ABCD2: variants seen among roughly 807,000 people sequenced by gnomAD.
ABCD2 encodes ATP-binding cassette sub-family D member 2.
Under a neutral mutation model 70.9 loss-of-function variants are expected in ABCD2, and 36 were observed. The ratio of observed to expected loss-of-function variants is 0.51; its 90% CI spans 0.39 to 0.67. The LOEUF is 0.67. Among genes scored for constraint, ABCD2 ranks in the 30% least tolerant of loss-of-function variants. The pLI is 0.00. For missense variants in ABCD2, 729 were observed against 890.2 expected (o/e 0.82, Z 2.30); for synonymous variants, 304 against 306.9 (o/e 0.99, Z 0.10).
At chr12:39,560,423 G>T (rs1591966550) in intron 9 of ABCD2, among the ~76,000 whole-genome samples, 1 of 152,024 alleles carries the variant, frequency 6.6e-6, no homozygotes, top group African/African-American at 2.4e-5. Context: ...ATGGACATTT[G>T]GGTTGGTTCC....
At chr12:39,616,689 A>G (rs2120790628) in intron 2 of ABCD2, among the ~76,000 whole-genome samples, 1 of 152,262 alleles carries the variant, frequency 6.6e-6, no homozygotes, top group East Asian at 1.9e-4. Context: ...GGTTAAGTGT[A>G]AACTAAAGAA....
At chr12:39,545,054 G>C (rs1172465605), downstream of ABCD2, among the ~76,000 whole-genome samples, 1 of 152,106 alleles carries the variant, frequency 6.6e-6, no homozygotes, top group Non-Finnish European at 1.5e-5. Flanking sequence ...GCTAACAACA[G>C]TGTACTATAG....
intron 6 of ABCD2, among the ~76,000 whole-genome samples, chr12:39,592,794 C>G (rs1157204017): frequency 6.6e-6 from 1 of 152,202 alleles, no homozygotes. Flanking sequence ...TAAACACACT[C>G]CTTGTCCTCA....
intron 9 of ABCD2, among the ~76,000 whole-genome samples, chr12:39,567,882 T>C (rs1416573120): frequency 7.9e-5 from 12 of 152,194 alleles, no homozygotes; most frequent in African/African-American, 2.4e-4. Context: ...CCTTCACTTA[T>C]GAAGCTTAGT....
At position 39,591,229 on chromosome 12, in the gene ABCD2, A is replaced by T. The variant is rs573611497; in HGVS notation, c.1647-4932T>A. On this transcript the variant is annotated intron_variant, in intron 6 of 9. Coordinates refer to ENST00000308666, the MANE Select transcript of ABCD2 (RefSeq NM_005164.4). Reference sequence around the variant, plus strand: ...CATTGCATCAGGGTTTTTCATGCATAGAAAGAACTAGATTTGAGTCATTTA... The same window carrying T: ...CATTGCATCAGGGTTTTTCATGCATTGAAAGAACTAGATTTGAGTCATTTA... Among the ~76,000 whole-genome samples the T allele has an allele frequency of 4.7e-4, 71 of 152,324 alleles. 1 individual carries two copies. Among genetic ancestry groups the T allele is most frequent in the Admixed American group, 7.8e-4 (12 of 15,302 alleles).
At position 39,550,889 on chromosome 12, in the gene ABCD2, T is replaced by C. The variant is rs1941078665; in HGVS notation, c.*3023A>G. The C allele has an allele frequency of 6.6e-6, 1 of 151,736 alleles. No homozygotes were observed. The highest frequency in any genetic ancestry group is 2.4e-5 in the African/African-American group (1 of 41,442). The allele number at this position is 151,736 out of a possible 1,614,324, so 9.4% of individuals were successfully genotyped here. On this transcript the variant is annotated 3_prime_UTR_variant, in exon 10 of 10. Transcript: ENST00000308666. ...TCCTAGACTCATTGAATCAAAAAGCTATTCCAAACATATTAGAATAAGATG... is the reference window on the plus strand; with the variant it reads ...TCCTAGACTCATTGAATCAAAAAGCCATTCCAAACATATTAGAATAAGATG...
intron 6 of ABCD2, 92 bp downstream of exon 6, chr12:39,600,478 TC>T: frequency 1.7e-6 from 2 of 1,197,988 alleles, no homozygotes; most frequent in Non-Finnish European, 2.3e-6. Flanking sequence ...ATAAAAACAT[TC>T]TTAAAGATAT....
chr12:39,539,833 C>T, the ABCD2 span: 2 of 154,752 alleles, frequency 1.3e-5, no homozygotes, highest in Non-Finnish European at 2.9e-5. Flanking sequence ...AGCAGCCAGG[C>T]TGTTATAATA....
At chr12:39,533,120 G>A in the ABCD2 span, among the ~76,000 whole-genome samples, 8 of 152,084 alleles carry the variant, frequency 5.3e-5, no homozygotes, top group South Asian at 2.1e-4. Context: ...AGCCGAGATC[G>A]TGTCATTGCA....
intron 8 of ABCD2, among the ~76,000 whole-genome samples, chr12:39,575,945 A>G (rs894378290): frequency 6.6e-6 from 1 of 152,236 alleles, no homozygotes; most frequent in African/African-American, 2.4e-5. Flanking sequence ...TCTTTGGGTT[A>G]ACATTTATTA....
At chr12:39,584,571 CT>C (rs1312869191) in intron 7 of ABCD2, among the ~76,000 whole-genome samples, 1 of 152,086 alleles carries the variant, frequency 6.6e-6, no homozygotes, top group Non-Finnish European at 1.5e-5. Context: ...CTTTTGGTAT[CT>C]TTGTCATGAA....
At chr12:39,571,839 G>T (rs956337748) in intron 9 of ABCD2, among the ~76,000 whole-genome samples, 1 of 152,038 alleles carries the variant, frequency 6.6e-6, no homozygotes, top group Non-Finnish European at 1.5e-5. Context: ...CTCTAGTATT[G>T]ATTTTAATCT....
intron 6 of ABCD2, among the ~76,000 whole-genome samples, chr12:39,592,878 A>G (rs913417998): frequency 2.6e-5 from 4 of 152,330 alleles, no homozygotes; most frequent in Middle Eastern, 3.4e-3. Context: ...CTAGAGACCT[A>G]TAGGAAAATT....
the ABCD2 span, among the ~76,000 whole-genome samples, chr12:39,540,468 T>G: frequency 2.6e-5 from 4 of 152,238 alleles, no homozygotes; most frequent in Non-Finnish European, 5.9e-5. Flanking sequence ...TGCCATATTT[T>G]GAAATGGCCC....
intron 6 of ABCD2, among the ~76,000 whole-genome samples, chr12:39,593,853 A>G (rs116745664): frequency 0.022 from 3,389 of 152,284 alleles, 145 homozygotes; most frequent in African/African-American, 0.076. Context: ...TTAAAATTTT[A>G]TGGAGAAATG....
At chr12:39,563,779 C>G (rs1319355258) in intron 9 of ABCD2, among the ~76,000 whole-genome samples, 1 of 152,140 alleles carries the variant, frequency 6.6e-6, no homozygotes. Context: ...CTCCACCCTC[C>G]CCTCACCTCA....
In ABCD2 at chr12:39,616,403, A is replaced by T. The variant is rs949384753; in HGVS notation, c.1120+585T>A. ...AGAATTAGCCAGCTGCAGCTTGACA[A>T]CCACCATTCCTACAAAACCACCAAA... is the stretch of plus-strand genomic sequence containing the variant. On this transcript the variant is annotated intron_variant, in intron 2 of 9. Coordinates refer to ENST00000308666, the MANE Select transcript of ABCD2 (RefSeq NM_005164.4). 1.8e-4 allele frequency among the ~76,000 whole-genome samples: 28 copies of T among 152,220 alleles called. No individual in the cohort carries two copies. In the South Asian group the frequency reaches 2.1e-3, roughly 11 times the overall value.
intron 9 of ABCD2, among the ~76,000 whole-genome samples, chr12:39,566,648 T>G (rs189367120): frequency 9.0e-4 from 137 of 152,364 alleles, no homozygotes; most frequent in Non-Finnish European, 2.1e-4. Flanking sequence ...TGCTCTGATC[T>G]TAGTTATTTC....
downstream of ABCD2, among the ~76,000 whole-genome samples, chr12:39,546,554 T>C (rs1054674285): frequency 6.6e-6 from 1 of 152,076 alleles, no homozygotes; most frequent in Non-Finnish European, 1.5e-5. Context: ...TAAAACTGGG[T>C]AATGTGTTGA....
Sources: allele counts gnomAD v4.1 joint callset (sites outside exome capture counted in the v4.1 genomes callset), GRCh38; gene constraint gnomAD v4.1.1; transcripts MANE v1.5; gene names NCBI Gene and HGNC (gene_info 2026-07-23, HGNC 2026-07-21).